The following DLL3 variants were observed in gnomAD, a reference collection of about 807,000 sequenced individuals.
DLL3 encodes the protein delta-like protein 3.
A neutral mutation model predicts 55.0 loss-of-function variants in DLL3; 49 were observed. The observed-to-expected ratio is 0.89, with a 90% CI of 0.71 to 1.13. The LOEUF is 1.13. Ranked by LOEUF, DLL3 falls within the 50% of genes most tolerant of loss-of-function variation. DLL3 has a pLI of 0.00. For missense variants in DLL3, 962 were observed against 875.5 expected (o/e 1.10, Z -1.25); for synonymous variants, 421 against 385.2 (o/e 1.09, Z -1.09).
chr19:39,500,303 C>T (rs949253837), intron 2 of DLL3, among the ~76,000 whole-genome samples: 8 of 149,716 alleles, frequency 5.3e-5, no homozygotes, highest in African/African-American at 7.4e-5. Flanking sequence ...GTGACATGCG[C>T]GTGTAGTCCC....
chr19:39,500,700 G>A (rs773840011), intron 3 of DLL3, 28 bp downstream of exon 3: 7 of 1,603,784 alleles, frequency 4.4e-6, no homozygotes, highest in Non-Finnish European at 8.5e-7. Context: ...TGGGACTGGT[G>A]GGGAGCTGGG....
In DLL3 at chr19:39,502,836, C is replaced by T. The variant is rs1279633578; in HGVS notation, c.431C>T (p.Ala144Val). 1.7e-5 allele frequency: 24 copies of T among 1,421,042 alleles called. No homozygotes were observed. Among genetic ancestry groups the T allele is most frequent in the Non-Finnish European group, 2.0e-5 (22 of 1,093,724 alleles). 88.0% of individuals were successfully genotyped at this position (1,421,042 alleles called of 1,614,324 possible). ...GCAGGGCCCGCCTGGAGCCTGCTGG[C>T]GCGCGTGGCTGGCAGGCGGCGCTTG... is the stretch of plus-strand genomic sequence containing the variant. ...QIGGPAWSLL[A>V]RVAGRRRLAA... is the part of the protein sequence containing the mutation. Residue 144 changes from alanine (A) to valine (V), a missense_variant, in exon 4 of 9, where the codon GCG becomes GTG. Ala to Val is a moderately conservative substitution (Grantham distance 64). Coordinates refer to ENST00000356433, the MANE Select transcript of DLL3 (RefSeq NM_203486.3).
intron 4 of DLL3, 54 bp from the exon 5 acceptor site, chr19:39,504,017 T>C: frequency 6.4e-7 from 1 of 1,572,544 alleles, no homozygotes; most frequent in Non-Finnish European, 8.7e-7. Flanking sequence ...ATCTTGTCCC[T>C]GGCCCTCCCC....
chr19:39,499,854 C>CT (rs1323996801), intron 2 of DLL3, among the ~76,000 whole-genome samples: 5,322 of 82,428 alleles, frequency 0.065, 227 homozygotes, highest in African/African-American at 0.12. Flanking sequence ...TCTTCTCTCT[C>CT]TTTTTTTTTT....
At chr19:39,503,911 G>A (rs1409301182) in intron 4 of DLL3, among the ~76,000 whole-genome samples, 160 bp from the exon 5 acceptor site, 3 of 152,136 alleles carry the variant, frequency 2.0e-5, no homozygotes, top group Non-Finnish European at 4.4e-5. Flanking sequence ...GTAAACTGGG[G>A]GGGCGGTCAC....
At chr19:39,506,914 G>T in intron 6 of DLL3, 125 bp from the exon 7 acceptor site, 2 of 1,017,850 alleles carry the variant, frequency 2.0e-6, no homozygotes, top group Admixed American at 5.1e-5. Flanking sequence ...CACACTCCAA[G>T]ACGCTGGCCC....
In DLL3 at chr19:39,507,257, T is replaced by A. The variant is rs888371213; in HGVS notation, c.1312T>A (p.Cys438Ser). The change falls in exon 7 of 9, where the codon TGT becomes AGT. Residue 438 changes from cysteine (C) to serine (S), a missense_variant. Cys to Ser is a moderately radical substitution (Grantham distance 112). Coordinates refer to ENST00000356433, the MANE Select transcript of DLL3 (RefSeq NM_203486.3). ...CGCGGACCCGTGCGCCGCGCGCCCC[T>A]GTGCTCACGGCGGCCGCTGCTACGC... ...ERADPCAARPCAHGGRCYAHF... is the reference protein window; with the variant it reads ...ERADPCAARPSAHGGRCYAHF... The A allele has an allele frequency of 4.6e-6, 7 of 1,526,758 alleles. No homozygotes were observed. In the South Asian group the frequency reaches 8.4e-5, roughly 18 times the overall value. 94.6% of individuals were successfully genotyped at this position (1,526,758 alleles called of 1,614,324 possible).
chr19:39,505,907 T>C (rs1284483733), intron 6 of DLL3, among the ~76,000 whole-genome samples: 1 of 151,970 alleles, frequency 6.6e-6, no homozygotes, highest in Non-Finnish European at 1.5e-5. Flanking sequence ...AGACCTGATA[T>C]CGGTGCTAAA....
intron 7 of DLL3, 84 bp from the exon 8 acceptor site, chr19:39,507,745 TG>T: frequency 6.2e-7 from 1 of 1,608,104 alleles, no homozygotes; most frequent in Non-Finnish European, 8.5e-7. Context: ...TAGCTGGTTT[TG>T]GGTTCCCCTT....
chr19:39,507,693 G>A, intron 7 of DLL3, 75 bp downstream of exon 7: 2 of 1,588,174 alleles, frequency 1.3e-6, no homozygotes, highest in Admixed American at 3.6e-5. Flanking sequence ...CAGTTGGCCC[G>A]ATTCCTTGAT....
chr19:39,498,971 G>A lies in DLL3; in HGVS notation c.-4G>A. The stretch of plus-strand genomic sequence containing the variant: ...GACTCCCGAGACCCCCCCACCAGAA[G>A]GCCATGGTCTCCCCACGGATGTCCG... On this transcript the variant is annotated 5_prime_UTR_variant, in exon 1 of 9. Transcript: ENST00000356433. 6.2e-7 allele frequency: 1 copy of A among 1,613,806 alleles called. No homozygotes were observed.
rs767423604 is a variant in DLL3, at chr19:39,507,419, C to G, written c.1474C>G (p.Leu492Val). ...GLRPGDPQRY[L>V]LPPALGLLVA... The stretch of plus-strand genomic sequence containing the variant: ...CAGGCCCGGGGACCCTCAGCGCTAC[C>G]TTTTGCCTCCGGCTCTGGGACTGCT... The change falls in exon 7 of 9, where the codon CTT becomes GTT. Residue 492 changes from leucine (L) to valine (V), a missense_variant. Physicochemically the swap from Leu to Val is conservative, Grantham distance 32. Transcript: ENST00000356433. The G allele has an allele frequency of 8.8e-6, 14 of 1,591,362 alleles. No individual in the cohort carries two copies. The East Asian group carries it at 9.1e-5, about 10-fold the overall frequency.
Position 39,507,406 on chromosome 19 carries a change from C to T in DLL3, c.1461C>T (p.Asp487=), listed in dbSNP as rs752572755. 3.2e-6 allele frequency: 5 copies of T among 1,585,632 alleles called. No homozygotes were observed. Among genetic ancestry groups the T allele is most frequent in the African/African-American group, 2.7e-5 (2 of 74,378 alleles). ...CCCCGCCGGGCCTCAGGCCCGGGGACCCTCAGCGCTACCTTTTGCCTCCGG... is the reference window on the plus strand; with the variant it reads ...CCCCGCCGGGCCTCAGGCCCGGGGATCCTCAGCGCTACCTTTTGCCTCCGG... ...PAAPPGLRPG[D]PQRYLLPPAL... The change falls in exon 7 of 9, where the codon GAC becomes GAT. Residue 487 remains aspartate (D), a synonymous_variant. Transcript: ENST00000356433.
intron 3 of DLL3, among the ~76,000 whole-genome samples, chr19:39,502,029 CA>C (rs377747353): frequency 3.3e-5 from 5 of 151,046 alleles, no homozygotes; most frequent in African/African-American, 1.2e-4. Context: ...ACTAAAAATA[CA>C]AAAAAAATTA....
At chr19:39,502,705 G>A in intron 3 of DLL3, 110 bp from the exon 4 acceptor site, 1 of 1,250,220 alleles carries the variant, frequency 8.0e-7, no homozygotes, top group Non-Finnish European at 1.0e-6. Context: ...GCTCCATGAG[G>A]GTGTTTTGGC....
chr19:39,503,028 C>T lies in DLL3; in HGVS notation c.623C>T (p.Ala208Val). 2 of 1,517,438 alleles carry T rather than the reference C, an allele frequency of 1.3e-6. No individual in the cohort carries two copies. The highest frequency in any genetic ancestry group is 1.2e-5 in the South Asian group (1 of 81,974). The allele number at this position is 1,517,438 out of a possible 1,614,324, so 94.0% of individuals were successfully genotyped here. Residue 208 changes from alanine to valine, a missense_variant, in exon 4 of 9, where the codon GCA becomes GTA. Ala to Val is a moderately conservative substitution (Grantham distance 64). Coordinates refer to ENST00000356433, the MANE Select transcript of DLL3 (RefSeq NM_203486.3). ...TGCGGTCCGGGACTGCGCCCCTGCG[C>T]ACCGCTCGAGGACGAATGTGAGGCG... ...SRCGPGLRPC[A>V]PLEDECEAPL...
chr19:39,508,338 C>T lies in DLL3; in HGVS notation c.*81C>T. The T allele has an allele frequency of 6.5e-7, 1 of 1,531,410 alleles. No individual in the cohort carries two copies. The highest frequency in any genetic ancestry group is 9.0e-7 in the Non-Finnish European group (1 of 1,106,444). 94.9% of individuals were successfully genotyped at this position (1,531,410 alleles called of 1,614,324 possible). ...TGGTGCCCAGTCTCTGCCCCAGAGG[C>T]TTTGGAGTTCAATCTTGAAGGGGTG... On this transcript the variant is annotated 3_prime_UTR_variant, in exon 9 of 9. Coordinates refer to ENST00000356433, the MANE Select transcript of DLL3 (RefSeq NM_203486.3).
At chr19:39,500,556 A>G in intron 2 of DLL3, 59 bp from the exon 3 acceptor site, 1 of 1,495,134 alleles carries the variant, frequency 6.7e-7, no homozygotes, top group Non-Finnish European at 9.3e-7. Flanking sequence ...GCCTTCATTG[A>G]GTACTTACCC....
intron 1 of DLL3, 73 bp from the exon 2 acceptor site, chr19:39,499,119 G>A: frequency 6.2e-7 from 1 of 1,612,274 alleles, no homozygotes; most frequent in Non-Finnish European, 8.5e-7. Flanking sequence ...GAAGGTCCTG[G>A]GGAAGGAGCG....
Sources: allele counts gnomAD v4.1 joint callset (sites outside exome capture counted in the v4.1 genomes callset), GRCh38; gene constraint gnomAD v4.1.1; transcripts MANE v1.5; gene names NCBI Gene and HGNC (gene_info 2026-07-23, HGNC 2026-07-21).